The following PCDHA9 variants were observed in gnomAD, a reference collection of about 807,000 sequenced individuals.
PCDHA9 encodes the protein protocadherin alpha-9.
In PCDHA9, 62 loss-of-function variants were observed where a neutral mutation model predicts 62.0. That is an observed-to-expected ratio of 1.00 (90% CI 0.81 to 1.23). The LOEUF (loss-of-function observed/expected upper bound fraction) is 1.23. Among genes scored for constraint, PCDHA9 ranks in the 50% most tolerant of loss-of-function variants. PCDHA9 has a pLI of 0.00. For synonymous variants in PCDHA9, 557 were observed against 567.6 expected (o/e 0.98, Z 0.27); for missense variants, 1,205 against 1,249.8 (o/e 0.96, Z 0.54).
intron 1 of PCDHA9, among the ~76,000 whole-genome samples, chr5:140,939,959 G>A (rs1272327380): frequency 6.6e-6 from 1 of 152,150 alleles, no homozygotes; most frequent in Non-Finnish European, 1.5e-5. Flanking sequence ...TTATGTTAAA[G>A]TGTTCCACGA....
chr5:140,894,098 T>C (rs1025974161), intron 1 of PCDHA9, among the ~76,000 whole-genome samples: 2 of 152,178 alleles, frequency 1.3e-5, no homozygotes, highest in Non-Finnish European at 2.9e-5. Flanking sequence ...TTCTAGCTCC[T>C]GGTGTTGCAG....
chr5:140,852,196 G>A lies in PCDHA9; in HGVS notation c.2394+1307G>A, dbSNP rs2150513230. The A allele has an allele frequency of 3.1e-5, 22 of 707,012 alleles. 1 individual carries two copies. The highest frequency in any genetic ancestry group is 1.9e-4 in the African/African-American group (10 of 51,666). The allele number at this position is 707,012 out of a possible 1,614,324, so 43.8% of individuals were successfully genotyped here. On this transcript the variant is annotated intron_variant, in intron 1 of 3. Transcript: ENST00000532602. ...AAATAACTATGAAAATGCCAGTAAC[G>A]TTTATTTAAAACAAAATATTTTAAT... is the stretch of plus-strand genomic sequence containing the variant.
intron 3 of PCDHA9, among the ~76,000 whole-genome samples, chr5:140,999,986 G>A (rs2097887000): frequency 6.6e-6 from 1 of 151,990 alleles, no homozygotes; most frequent in African/African-American, 2.4e-5. Context: ...GCGGCCTCTG[G>A]GTAGTGGTAT....
intron 1 of PCDHA9, chr5:140,871,329 C>A (rs1164407502): frequency 6.2e-7 from 1 of 1,613,942 alleles, no homozygotes; most frequent in African/African-American, 1.3e-5. Flanking sequence ...TGTGCTCCCG[C>A]GCGGTGGGGA....
intron 1 of PCDHA9, chr5:140,969,204 C>T (rs1453693936): frequency 3.2e-5 from 51 of 1,613,996 alleles, no homozygotes; most frequent in African/African-American, 1.5e-4. Context: ...AATACAGGGG[C>T]CCAGACAGGA....
chr5:140,956,009 C>G (rs1479377959), intron 1 of PCDHA9, among the ~76,000 whole-genome samples: 1 of 152,192 alleles, frequency 6.6e-6, no homozygotes, highest in Non-Finnish European at 1.5e-5. Context: ...TATCCTGAGA[C>G]TTTGCTGAAG....
intron 1 of PCDHA9, chr5:140,928,467 A>G (rs782319281): frequency 6.2e-7 from 1 of 1,614,142 alleles, no homozygotes; most frequent in South Asian, 1.1e-5. Flanking sequence ...ATTTCCAAGT[A>G]GAAGGCCGGG....
intron 1 of PCDHA9, among the ~76,000 whole-genome samples, chr5:140,893,124 CA>C (rs2063834148): frequency 2.0e-5 from 3 of 152,298 alleles, no homozygotes; most frequent in Admixed American, 1.3e-4. Flanking sequence ...ATATACACCA[CA>C]TTTTCTTTAT....
chr5:140,999,523 C>T (rs115576128), intron 3 of PCDHA9, among the ~76,000 whole-genome samples: 1 of 152,026 alleles, frequency 6.6e-6, no homozygotes, highest in Non-Finnish European at 1.5e-5. Context: ...CATTTTGTTA[C>T]CCCCTGGATA....
intron 1 of PCDHA9, chr5:140,877,450 A>G (rs1406485859): frequency 1.9e-6 from 3 of 1,613,636 alleles, no homozygotes; most frequent in Non-Finnish European, 2.5e-6. Flanking sequence ...GCCCGCGCTG[A>G]CGTCCACGGC....
At position 140,985,761 on chromosome 5, in the gene PCDHA9, A is replaced by C. The variant is rs1239020885; in HGVS notation, c.2542+3198A>C. On this transcript the variant is annotated intron_variant, in intron 3 of 3. Transcript: ENST00000532602. ...TTCCTTTTTTTTTTTTTTTTTTTTGAGACAGTCTCGCTCTGTCGCCCAGGC... is the reference window on the plus strand; with the variant it reads ...TTCCTTTTTTTTTTTTTTTTTTTTGCGACAGTCTCGCTCTGTCGCCCAGGC... 7.9e-5 allele frequency among the ~76,000 whole-genome samples: 5 copies of C among 63,266 alleles called. No individual in the cohort carries two copies. In the East Asian group the frequency reaches 3.3e-3, roughly 41 times the overall value. 41.5% of individuals were successfully genotyped at this position (63,266 alleles called of 152,430 possible). A position where few individuals can be genotyped will look rare whatever the true frequency, so the allele number is the denominator to read the frequency against.
chr5:140,976,584 A>G (rs2096724055), intron 1 of PCDHA9, among the ~76,000 whole-genome samples: 1 of 152,070 alleles, frequency 6.6e-6, no homozygotes. Context: ...TAAAACACAG[A>G]CTTTTGTGTT....
intron 1 of PCDHA9, among the ~76,000 whole-genome samples, chr5:140,932,121 T>C (rs1343821167): frequency 6.6e-6 from 1 of 151,956 alleles, no homozygotes; most frequent in Non-Finnish European, 1.5e-5. Context: ...ATTGATAATA[T>C]TTAAGATATA....
rs549259485 is a variant in PCDHA9, at chr5:140,926,218, A to C, written c.2395-52731A>C. 2.0e-5 allele frequency among the ~76,000 whole-genome samples: 3 copies of C among 152,070 alleles called. No individual in the cohort carries two copies. In the South Asian group the frequency reaches 6.3e-4, roughly 32 times the overall value. On this transcript the variant is annotated intron_variant, in intron 1 of 3. Coordinates refer to ENST00000532602, the MANE Select transcript of PCDHA9 (RefSeq NM_031857.2). ...TCTTTCGGGGGGCTCCTGTTTCCTT[A>C]AGCCTAGAAGGTGTGGTCGCTCACG...
intron 1 of PCDHA9, among the ~76,000 whole-genome samples, chr5:140,884,988 A>G (rs2060423125): frequency 6.6e-6 from 1 of 152,242 alleles, no homozygotes; most frequent in African/African-American, 2.4e-5. Context: ...CATTTAGAAA[A>G]TGTTTGTTTT....
At chr5:140,898,400 C>T (rs1374307667) in intron 1 of PCDHA9, among the ~76,000 whole-genome samples, 1 of 152,178 alleles carries the variant, frequency 6.6e-6, no homozygotes, top group Non-Finnish European at 1.5e-5. Flanking sequence ...TTTCAGCTTT[C>T]TACATACGGC....
At chr5:140,918,573 C>CT (rs1392285106) in intron 1 of PCDHA9, among the ~76,000 whole-genome samples, 1 of 152,154 alleles carries the variant, frequency 6.6e-6, no homozygotes, top group Non-Finnish European at 1.5e-5. Context: ...TATTATGCTG[C>CT]TATTGGCTAT....
chr5:140,978,217 A>G (rs1554239114), intron 1 of PCDHA9, among the ~76,000 whole-genome samples: 2 of 152,222 alleles, frequency 1.3e-5, no homozygotes, highest in East Asian at 1.9e-4. Flanking sequence ...TGCAAAATGT[A>G]TCAGGTTTTT....
At chr5:140,912,824 A>T (rs1391588183) in intron 1 of PCDHA9, among the ~76,000 whole-genome samples, 3 of 152,170 alleles carry the variant, frequency 2.0e-5, no homozygotes, top group Non-Finnish European at 4.4e-5. Flanking sequence ...AGGGATTTTG[A>T]ATTTTATTAA....
Sources: gnomAD v4.1 joint callset for allele counts (sites outside exome capture counted in the v4.1 genomes callset) on GRCh38, gnomAD v4.1.1 for gene constraint, MANE v1.5 for transcripts, NCBI Gene and HGNC (gene_info 2026-07-23, HGNC 2026-07-21) for gene names.